L3MBTL4: variants seen among roughly 807,000 people sequenced by gnomAD.
L3MBTL4 encodes the protein L3MBTL histone methyl-lysine binding protein 4, also known as lethal(3)malignant brain tumor-like protein 4.
L3MBTL4 carries 70 observed loss-of-function variants against 84.5 expected under a neutral mutation model. That is an observed-to-expected ratio of 0.83 (90% confidence interval 0.68 to 1.01). L3MBTL4 has a LOEUF of 1.01. Ranked by LOEUF, L3MBTL4 falls within the 50% of genes least tolerant of loss-of-function variation. The pLI is 0.00. For missense variants in L3MBTL4, 715 were observed against 754.8 expected, an observed-to-expected ratio of 0.95 and a Z score of 0.62; for synonymous variants, 274 against 259.8, an observed-to-expected ratio of 1.05 and a Z score of -0.52.
intron 14 of L3MBTL4, among the ~76,000 whole-genome samples, chr18:6,109,265 C>A (rs955881003): frequency 1.3e-5 from 2 of 152,128 alleles, no homozygotes; most frequent in Admixed American, 1.3e-4. Flanking sequence ...AAGACTGGAC[C>A]ACTTTTTAAG....
At chr18:6,284,347 T>C (rs2049460152) in intron 4 of L3MBTL4, among the ~76,000 whole-genome samples, 1 of 152,044 alleles carries the variant, frequency 6.6e-6, no homozygotes, top group African/African-American at 2.4e-5. Context: ...CCACAGGGGC[T>C]CTCACGGAGC....
intron 4 of L3MBTL4, among the ~76,000 whole-genome samples, chr18:6,292,607 G>C (rs1171876841): frequency 6.6e-6 from 1 of 152,048 alleles, no homozygotes; most frequent in Non-Finnish European, 1.5e-5. Flanking sequence ...TACTATCAAG[G>C]GACAATTAAC....
chr18:6,235,862 T>C (rs1165375023), intron 10 of L3MBTL4, among the ~76,000 whole-genome samples: 1 of 152,134 alleles, frequency 6.6e-6, no homozygotes, highest in East Asian at 1.9e-4. Context: ...AAAAGAAGAA[T>C]AAAATAGTAG....
intron 16 of L3MBTL4, among the ~76,000 whole-genome samples, chr18:6,044,598 C>T (rs143681608): frequency 6.6e-6 from 1 of 152,148 alleles, no homozygotes; most frequent in East Asian, 1.9e-4. Context: ...TATCTACACT[C>T]TCTGCACTGC....
At chr18:6,272,326 C>T (rs2048910965) in intron 4 of L3MBTL4, among the ~76,000 whole-genome samples, 1 of 152,166 alleles carries the variant, frequency 6.6e-6, no homozygotes, top group Admixed American at 6.5e-5. Flanking sequence ...AATACCCTCA[C>T]CTCCTTCATG....
chr18:6,084,793 G>A (rs2058204693), intron 15 of L3MBTL4, among the ~76,000 whole-genome samples: 1 of 152,214 alleles, frequency 6.6e-6, no homozygotes, highest in African/African-American at 2.4e-5. Flanking sequence ...TGCATACAAG[G>A]TGAGAGATGG....
At chr18:6,394,412 G>A (rs1013823793) in intron 1 of L3MBTL4, among the ~76,000 whole-genome samples, 4 of 152,114 alleles carry the variant, frequency 2.6e-5, no homozygotes, top group African/African-American at 9.7e-5. Flanking sequence ...AGGTTGCAGT[G>A]AGCCAAGATT....
chr18:6,286,282 G>A (rs2049583973), intron 4 of L3MBTL4, among the ~76,000 whole-genome samples: 1 of 151,782 alleles, frequency 6.6e-6, no homozygotes, highest in African/African-American at 2.4e-5. Context: ...CTGCCAATAT[G>A]GTGAAACCCC....
At chr18:6,210,366 C>T (rs898609305) in intron 12 of L3MBTL4, among the ~76,000 whole-genome samples, 3 of 152,146 alleles carry the variant, frequency 2.0e-5, no homozygotes, top group African/African-American at 7.2e-5. Context: ...TACACATCTG[C>T]TCTCCCACTA....
At chr18:6,323,561 C>T (rs1282045380) in intron 1 of L3MBTL4, among the ~76,000 whole-genome samples, 1 of 152,162 alleles carries the variant, frequency 6.6e-6, no homozygotes, top group African/African-American at 2.4e-5. Context: ...CCTTAAGGAT[C>T]TCTGGAACTT....
intron 16 of L3MBTL4, among the ~76,000 whole-genome samples, chr18:6,013,955 C>A (rs1023366894): frequency 6.6e-6 from 1 of 152,202 alleles, no homozygotes; most frequent in African/African-American, 2.4e-5. Flanking sequence ...TTTCTCATAG[C>A]CACTCTGAGG....
chr18:6,136,430 A>G (rs1165062572), intron 14 of L3MBTL4, among the ~76,000 whole-genome samples: 1 of 152,206 alleles, frequency 6.6e-6, no homozygotes, highest in Non-Finnish European at 1.5e-5. Flanking sequence ...AAAGGACCAG[A>G]GGCTACTCCC....
intron 16 of L3MBTL4, among the ~76,000 whole-genome samples, chr18:6,054,770 A>C (rs893905637): frequency 1.3e-5 from 2 of 152,232 alleles, no homozygotes; most frequent in African/African-American, 2.4e-5. Context: ...CTGGGTATGT[A>C]AAGAATATGT....
At position 6,067,198 on chromosome 18, in the gene L3MBTL4, C is replaced by A. The variant is rs568579526; in HGVS notation, c.1444+13683G>T. ...GTTGGATAGGTTTTCCTTTATAGGT[C>A]ACCTTATGCTTTTGTCTCACAGCTC... On this transcript the variant is annotated intron_variant, in intron 16 of 18. Coordinates refer to ENST00000317931, the MANE Select transcript of L3MBTL4 (RefSeq NM_001330559.2). 4.6e-3 allele frequency among the ~76,000 whole-genome samples: 702 copies of A among 152,220 alleles called. 3 individuals carry two copies. Among genetic ancestry groups the A allele is most frequent in the Non-Finnish European group, 6.8e-3 (465 of 67,996 alleles).
chr18:6,353,060 C>G (rs1043919042), intron 1 of L3MBTL4, among the ~76,000 whole-genome samples: 1 of 152,108 alleles, frequency 6.6e-6, no homozygotes, highest in Admixed American at 6.5e-5. Flanking sequence ...CAAGTAAATG[C>G]AACCTAGTGC....
intron 16 of L3MBTL4, among the ~76,000 whole-genome samples, chr18:6,009,302 G>A (rs1320266714): frequency 2.6e-5 from 4 of 152,162 alleles, no homozygotes; most frequent in African/African-American, 4.8e-5. Flanking sequence ...GCAATGACCA[G>A]TCAGGATGAG....
intron 16 of L3MBTL4, among the ~76,000 whole-genome samples, chr18:5,985,864 T>C (rs1056083305): frequency 1.3e-5 from 2 of 152,140 alleles, no homozygotes; most frequent in African/African-American, 4.8e-5. Flanking sequence ...ATGCTACAAA[T>C]GGACCAGGAG....
At chr18:6,005,524 G>A (rs2054434675) in intron 16 of L3MBTL4, among the ~76,000 whole-genome samples, 1 of 152,022 alleles carries the variant, frequency 6.6e-6, no homozygotes, top group Non-Finnish European at 1.5e-5. Context: ...GCTGTCTGTG[G>A]TTCTCTTCCT....
chr18:6,314,391 T>A (rs1356692547), intron 1 of L3MBTL4, among the ~76,000 whole-genome samples: 3 of 152,096 alleles, frequency 2.0e-5, no homozygotes, highest in African/African-American at 7.2e-5. Context: ...AAGAAACACA[T>A]TATCCAGGGA....
Sources: gnomAD v4.1 joint callset for allele counts (sites outside exome capture counted in the v4.1 genomes callset) on GRCh38, gnomAD v4.1.1 for gene constraint, MANE v1.5 for transcripts, NCBI Gene and HGNC (gene_info 2026-07-23, HGNC 2026-07-21) for gene names.